TAFA1: variants seen among roughly 807,000 people sequenced by gnomAD.
TAFA1 encodes TAFA chemokine like family member 1, also known as chemokine-like protein TAFA-1.
Under a neutral mutation model 18.5 loss-of-function variants are expected in TAFA1, and 4 were observed. That is an observed-to-expected ratio of 0.22 (90% CI 0.11 to 0.49). The LOEUF is 0.49. TAFA1 is among the 20% of genes least tolerant of loss of function. The pLI is 0.98. For synonymous variants in TAFA1, 56 were observed against 55.2 expected (o/e 1.01, Z -0.06); for missense variants, 147 against 169.0 (o/e 0.87, Z 0.72).
At chr3:68,179,202 C>G (rs1184563278) in intron 2 of TAFA1, among the ~76,000 whole-genome samples, 1 of 152,174 alleles carries the variant, frequency 6.6e-6, no homozygotes, top group East Asian at 1.9e-4. Context: ...AACTCATCTT[C>G]CCTGAACAGA....
intron 2 of TAFA1, among the ~76,000 whole-genome samples, chr3:68,326,841 G>A (rs1015903436): frequency 2.6e-5 from 4 of 152,138 alleles, no homozygotes; most frequent in Non-Finnish European, 5.9e-5. Flanking sequence ...GATGTTATGT[G>A]ACAAACCCAA....
At chr3:68,195,420 A>C (rs1159147528) in intron 2 of TAFA1, among the ~76,000 whole-genome samples, 2 of 149,292 alleles carry the variant, frequency 1.3e-5, no homozygotes, top group East Asian at 4.0e-4. Context: ...GCTTATGATC[A>C]TGTCTTATCT....
intron 2 of TAFA1, among the ~76,000 whole-genome samples, chr3:68,170,232 C>A (rs541135481): frequency 6.6e-6 from 1 of 152,264 alleles, no homozygotes; most frequent in Admixed American, 6.5e-5. Context: ...AACAGTCTAG[C>A]AGCCACTCAA....
chr3:68,360,665 T>C (rs1171714342), intron 2 of TAFA1, among the ~76,000 whole-genome samples: 2 of 152,000 alleles, frequency 1.3e-5, no homozygotes, highest in Non-Finnish European at 2.9e-5. Flanking sequence ...TCTGTACATG[T>C]AAGTATGACA....
At chr3:68,461,602 T>C (rs996102797) in intron 3 of TAFA1, among the ~76,000 whole-genome samples, 13 of 151,432 alleles carry the variant, frequency 8.6e-5, no homozygotes, top group African/African-American at 2.7e-4. Flanking sequence ...GAAACTCTAG[T>C]GTTAGGCAGA....
intron 2 of TAFA1, among the ~76,000 whole-genome samples, chr3:68,065,765 T>TATATAC (rs1340736674): frequency 2.5e-4 from 15 of 60,110 alleles, no homozygotes; most frequent in African/African-American, 8.3e-4. Context: ...TATATATATA[T>TATATAC]ACACACACAT....
At chr3:68,077,670 C>G (rs1450501976) in intron 2 of TAFA1, among the ~76,000 whole-genome samples, 6 of 152,018 alleles carry the variant, frequency 3.9e-5, no homozygotes, top group Non-Finnish European at 7.3e-5. Flanking sequence ...TGATCTATAT[C>G]TCTATTTTGG....
At chr3:68,422,616 T>C (rs1394450539) in intron 3 of TAFA1, among the ~76,000 whole-genome samples, 3 of 152,100 alleles carry the variant, frequency 2.0e-5, no homozygotes, top group Non-Finnish European at 4.4e-5. Context: ...GGGTAAAACC[T>C]TAGCAGCTTA....
chr3:68,256,835 T>C (rs1487050759), intron 2 of TAFA1, among the ~76,000 whole-genome samples: 1 of 152,096 alleles, frequency 6.6e-6, no homozygotes, highest in East Asian at 1.9e-4. Flanking sequence ...GCTGCCACCA[T>C]CTGGCCCCAA....
chr3:68,473,144 G>C (rs1575899465), intron 3 of TAFA1, among the ~76,000 whole-genome samples: 1 of 152,298 alleles, frequency 6.6e-6, no homozygotes, highest in Middle Eastern at 3.4e-3. Context: ...AGCTACTTAG[G>C]AATCTTCGGT....
chr3:68,261,419 A>G (rs1440095610), intron 2 of TAFA1, among the ~76,000 whole-genome samples: 9 of 152,216 alleles, frequency 5.9e-5, no homozygotes, highest in Non-Finnish European at 1.3e-4. Flanking sequence ...TACTGGGTAT[A>G]TACCCAAAGG....
At chr3:68,445,782 G>A (rs559197456) in intron 3 of TAFA1, among the ~76,000 whole-genome samples, 73 of 152,266 alleles carry the variant, frequency 4.8e-4, no homozygotes, top group African/African-American at 1.8e-3. Flanking sequence ...CAATTTCCAA[G>A]TGCTGCTGCT....
chr3:68,117,097 T>A (rs999320714), intron 2 of TAFA1, among the ~76,000 whole-genome samples: 3 of 152,244 alleles, frequency 2.0e-5, no homozygotes, highest in African/African-American at 7.2e-5. Context: ...AGCTCTCTTT[T>A]GCGCAAATAA....
chr3:68,479,864 A>G (rs1178935857), intron 3 of TAFA1, among the ~76,000 whole-genome samples: 1 of 151,764 alleles, frequency 6.6e-6, no homozygotes, highest in African/African-American at 2.4e-5. Flanking sequence ...ACACATTCAT[A>G]CTCATACACA....
rs549570797 is a variant in TAFA1 at position 68,457,937 on chromosome 3, A to G, written c.259+40517A>G. ...CATTGTCCCATAGACCATGATTTGA[A>G]ATACTTTGAAATAGTTTACCCTATC... On this transcript the variant is annotated intron_variant, in intron 3 of 4. Transcript: ENST00000478136. Among the ~76,000 whole-genome samples the G allele has an allele frequency of 2.0e-5, 3 of 152,226 alleles. No individual in the cohort carries two copies. In the East Asian group the frequency reaches 5.8e-4, roughly 29 times the overall value.
At chr3:68,405,467 G>C (rs1034691474) in intron 2 of TAFA1, among the ~76,000 whole-genome samples, 1 of 150,670 alleles carries the variant, frequency 6.6e-6, no homozygotes. Flanking sequence ...AGGAGATCGA[G>C]ACCAGCGTGG....
intron 3 of TAFA1, among the ~76,000 whole-genome samples, chr3:68,518,183 G>A (rs558503516): frequency 2.6e-5 from 4 of 152,236 alleles, no homozygotes; most frequent in South Asian, 2.1e-4. Flanking sequence ...CTGTGTGAGC[G>A]TGGGCATGTT....
At chr3:68,131,946 G>A (rs917624823) in intron 2 of TAFA1, among the ~76,000 whole-genome samples, 1 of 151,826 alleles carries the variant, frequency 6.6e-6, no homozygotes, top group African/African-American at 2.4e-5. Flanking sequence ...TTGTTACATA[G>A]GTATACACGT....
chr3:68,174,049 A>G (rs1187783441), intron 2 of TAFA1, among the ~76,000 whole-genome samples: 9 of 152,204 alleles, frequency 5.9e-5, no homozygotes, highest in African/African-American at 2.2e-4. Context: ...TATTCCAAAT[A>G]AACAATGACA....
Sources: allele counts gnomAD v4.1 joint callset (sites outside exome capture counted in the v4.1 genomes callset), GRCh38; gene constraint gnomAD v4.1.1; transcripts MANE v1.5; gene names NCBI Gene and HGNC (gene_info 2026-07-23, HGNC 2026-07-21).